The following GADL1 variants were observed in gnomAD, a reference collection of about 807,000 sequenced individuals.
GADL1 encodes acidic amino acid decarboxylase GADL1.
A neutral mutation model predicts 69.5 loss-of-function variants in GADL1; 71 were observed. That is an observed-to-expected ratio of 1.02 (90% CI 0.84 to 1.25). GADL1 has a LOEUF of 1.25. Among genes scored for constraint, GADL1 ranks in the 50% most tolerant of loss-of-function variants. The pLI, the probability that GADL1 is intolerant of heterozygous loss-of-function variation, is 0.00. For synonymous variants in GADL1, 254 were observed against 214.4 expected (o/e 1.18, Z -1.62); for missense variants, 737 against 631.8 (o/e 1.17, Z -1.79).
intron 2 of GADL1, 42 bp from the exon 3 acceptor site, chr3:30,857,183 C>T: frequency 6.5e-7 from 1 of 1,539,046 alleles, no homozygotes; most frequent in Non-Finnish European, 8.8e-7. Flanking sequence ...TCCACCATAG[C>T]CAGGTATTGA....
intron 1 of GADL1, among the ~76,000 whole-genome samples, chr3:30,892,863 A>G (rs1380369500): frequency 1.3e-5 from 2 of 152,094 alleles, no homozygotes; most frequent in African/African-American, 2.4e-5. Context: ...TATTTTATTT[A>G]TTTATTTTTT....
chr3:30,793,458 T>C (rs912987215), intron 12 of GADL1, among the ~76,000 whole-genome samples: 6 of 152,082 alleles, frequency 3.9e-5, no homozygotes, highest in African/African-American at 1.4e-4. Flanking sequence ...GCAGAAACCA[T>C]AAACTACTAT....
At chr3:30,732,822 C>G (rs1454711009) in intron 14 of GADL1, among the ~76,000 whole-genome samples, 2 of 152,140 alleles carry the variant, frequency 1.3e-5, no homozygotes, top group East Asian at 3.9e-4. Context: ...CTTTGGGACG[C>G]CAAGGCGGGC....
intron 13 of GADL1, chr3:30,779,209 T>C (rs1559497397): frequency 1.3e-5 from 2 of 152,204 alleles, no homozygotes; most frequent in South Asian, 4.1e-4. Context: ...TGGGACATTA[T>C]GTTGGGGGTT....
At chr3:30,842,236 T>C (rs760817980) in intron 8 of GADL1, among the ~76,000 whole-genome samples, 7 of 152,196 alleles carry the variant, frequency 4.6e-5, no homozygotes, top group Non-Finnish European at 8.8e-5. Context: ...AGATTTGATA[T>C]TAAAAATTAT....
At chr3:30,885,796 G>T (rs1055305272) in intron 1 of GADL1, among the ~76,000 whole-genome samples, 8 of 151,556 alleles carry the variant, frequency 5.3e-5, no homozygotes, top group African/African-American at 1.9e-4. Context: ...TAATAGAGGT[G>T]AGATCTCACC....
chr3:30,836,955 G>A (rs1223793358), intron 9 of GADL1, among the ~76,000 whole-genome samples: 1 of 151,986 alleles, frequency 6.6e-6, no homozygotes, highest in African/African-American at 2.4e-5. Context: ...TTACCAAATT[G>A]AAGACAGTAT....
At chr3:30,879,810 A>G (rs1698620094) in intron 1 of GADL1, among the ~76,000 whole-genome samples, 1 of 151,924 alleles carries the variant, frequency 6.6e-6, no homozygotes, top group Non-Finnish European at 1.5e-5. Flanking sequence ...CACCAGGAAA[A>G]AAACTCTGTA....
At chr3:30,807,925 G>A (rs1444199852) in intron 11 of GADL1, among the ~76,000 whole-genome samples, 4 of 150,382 alleles carry the variant, frequency 2.7e-5, no homozygotes, top group African/African-American at 4.9e-5. Context: ...CCAGCTACTC[G>A]GGAGGCTGAG....
At chr3:30,728,668 G>A (rs1371287610) in intron 14 of GADL1, among the ~76,000 whole-genome samples, 6 of 152,076 alleles carry the variant, frequency 3.9e-5, no homozygotes, top group African/African-American at 1.4e-4. Flanking sequence ...ATTTATGGTC[G>A]AGAAAACAGG....
intron 11 of GADL1, among the ~76,000 whole-genome samples, chr3:30,801,962 T>A (rs1165958316): frequency 6.6e-6 from 1 of 152,240 alleles, no homozygotes; most frequent in Non-Finnish European, 1.5e-5. Flanking sequence ...TGTCTTGTCT[T>A]ATACCATTTG....
chr3:30,801,334 G>C (rs1413693260), intron 11 of GADL1, among the ~76,000 whole-genome samples: 3 of 152,008 alleles, frequency 2.0e-5, no homozygotes, highest in Admixed American at 6.5e-5. Flanking sequence ...ACTGAGTATT[G>C]AGAAGCTGAG....
At chr3:30,739,403 C>T (rs1406185441) in intron 14 of GADL1, among the ~76,000 whole-genome samples, 2 of 152,136 alleles carry the variant, frequency 1.3e-5, no homozygotes, top group African/African-American at 2.4e-5. Flanking sequence ...ACCCATGCAC[C>T]TGTATCTTAT....
chr3:30,837,876 A>G (rs1286544411), intron 9 of GADL1, among the ~76,000 whole-genome samples: 5 of 152,154 alleles, frequency 3.3e-5, no homozygotes, highest in Non-Finnish European at 7.4e-5. Flanking sequence ...CGAGTCACGG[A>G]TAATCTACCT....
At chr3:30,877,666 T>C (rs920251899) in intron 1 of GADL1, among the ~76,000 whole-genome samples, 75 of 151,900 alleles carry the variant, frequency 4.9e-4, no homozygotes, top group African/African-American at 1.7e-3. Context: ...CACAAAGTAT[T>C]AAAAGATCAA....
chr3:30,800,851 AG>A lies in GADL1; in HGVS notation c.1250+37del, dbSNP rs1210984561. 3.9e-6 allele frequency: 5 copies of A among 1,267,590 alleles called. 1 individual carries two copies. The highest frequency in any genetic ancestry group is 4.3e-6 in the Non-Finnish European group (4 of 929,956). The allele number at this position is 1,267,590 out of a possible 1,614,324, so 78.5% of individuals were successfully genotyped here. A position where few individuals can be genotyped will look rare whatever the true frequency, so the allele number is the denominator to read the frequency against. ...CACACACACACACACACACACACAC[AG>A]AAAGAGAGAGAGAGAGAGAGAGAGA... On this transcript the variant is annotated intron_variant, in intron 12 of 14. Transcript: ENST00000282538.
At chr3:30,818,048 A>G (rs1697505027) in intron 11 of GADL1, among the ~76,000 whole-genome samples, 1 of 152,190 alleles carries the variant, frequency 6.6e-6, no homozygotes, top group South Asian at 2.1e-4. Context: ...GAAGATATTC[A>G]TTGTAGACAC....
intron 8 of GADL1, among the ~76,000 whole-genome samples, chr3:30,842,754 CAG>C: frequency 6.9e-6 from 1 of 144,500 alleles, no homozygotes; most frequent in East Asian, 2.1e-4. Flanking sequence ...AGAATTATAC[CAG>C]AGTCAAAGAA....
intron 14 of GADL1, among the ~76,000 whole-genome samples, chr3:30,754,860 AT>A (rs10687426): frequency 3.3e-5 from 5 of 151,788 alleles, no homozygotes; most frequent in African/African-American, 9.7e-5. Flanking sequence ...CAGGGCACTG[AT>A]TTTTTTTCTG....
Sources: allele counts gnomAD v4.1 joint callset (sites outside exome capture counted in the v4.1 genomes callset), GRCh38; gene constraint gnomAD v4.1.1; transcripts MANE v1.5; gene names NCBI Gene and HGNC (gene_info 2026-07-23, HGNC 2026-07-21).